ZMPSTE24: variants seen among roughly 807,000 people sequenced by gnomAD.
ZMPSTE24 encodes zinc metallopeptidase STE24.
ZMPSTE24 carries 48 observed loss-of-function variants against 56.7 expected under a neutral mutation model. The observed-to-expected ratio is 0.85, with a 90% confidence interval of 0.67 to 1.08. The LOEUF (loss-of-function observed/expected upper bound fraction) is 1.08. Among genes scored for constraint, ZMPSTE24 ranks in the 50% least tolerant of loss-of-function variants. The pLI, the probability that ZMPSTE24 is intolerant of heterozygous loss-of-function variation, is 0.00. For synonymous variants in ZMPSTE24, 172 were observed against 195.2 expected, an observed-to-expected ratio of 0.88 and a Z score of 0.99; for missense variants, 503 against 548.7, an observed-to-expected ratio of 0.92 and a Z score of 0.83.
At position 40,261,072 on chromosome 1, in the gene ZMPSTE24, C is replaced by A. The variant is rs773022256; in HGVS notation, c.270+87C>A. On this transcript the variant is annotated intron_variant, in intron 2 of 9. Transcript: ENST00000372759. ...AACACAAAAGAGGGTACCACACTTA[C>A]AAGTCCCAGAATGCTTTCTTAACCT... The A allele has an allele frequency of 5.0e-5, 76 of 1,508,146 alleles. No homozygotes were observed. In the Middle Eastern group the frequency reaches 8.5e-4, roughly 17 times the overall value. 93.4% of individuals were successfully genotyped at this position (1,508,146 alleles called of 1,614,324 possible). A position where few individuals can be genotyped will look rare whatever the true frequency, so the allele number is the denominator to read the frequency against.
chr1:40,274,841 T>G (rs922382916), intron 6 of ZMPSTE24, among the ~76,000 whole-genome samples: 5 of 152,166 alleles, frequency 3.3e-5, no homozygotes, highest in Non-Finnish European at 7.3e-5. Context: ...GTGGATACAT[T>G]TGGGACAAGT....
rs541622976 is a variant in ZMPSTE24 at position 40,270,943 on chromosome 1, A to G, written c.627+816A>G. On this transcript the variant is annotated intron_variant, in intron 5 of 9. Coordinates refer to ENST00000372759, the MANE Select transcript of ZMPSTE24 (RefSeq NM_005857.5). The stretch of plus-strand genomic sequence containing the variant: ...AGACCAGCCTGGGTAACACAGTGAG[A>G]CTCTGTCTCTACAAATAATAATTTT... 3.9e-5 allele frequency among the ~76,000 whole-genome samples: 6 copies of G among 152,194 alleles called. No individual in the cohort carries two copies. The South Asian group carries it at 8.3e-4, about 21-fold the overall frequency.
intron 4 of ZMPSTE24, 47 bp downstream of exon 4, chr1:40,268,582 T>A (rs1037393743): frequency 1.6e-6 from 2 of 1,266,136 alleles, no homozygotes; most frequent in Non-Finnish European, 2.3e-6. Context: ...GAAAAACTTC[T>A]GTGCTTTTGT....
intron 2 of ZMPSTE24, chr1:40,262,909 T>A: frequency 9.3e-7 from 1 of 1,073,860 alleles, no homozygotes; most frequent in Non-Finnish European, 1.1e-6. Flanking sequence ...CTATACTGAT[T>A]AATAGCTCCC....
intron 2 of ZMPSTE24, among the ~76,000 whole-genome samples, chr1:40,266,229 C>T (rs1438752174): frequency 6.6e-6 from 1 of 151,976 alleles, no homozygotes; most frequent in East Asian, 1.9e-4. Flanking sequence ...TATGATAGTA[C>T]CAAAACCCCT....
Position 40,292,479 on chromosome 1 carries a change from G to T in ZMPSTE24, c.1238G>T (p.Arg413Ile). 1 of 1,614,138 alleles carries T rather than the reference G, an allele frequency of 6.2e-7. No individual in the cohort carries two copies. The highest frequency in any genetic ancestry group is 8.5e-7 in the Non-Finnish European group (1 of 1,180,024). The change falls in exon 10 of 10, where the codon AGA becomes ATA. Residue 413 changes from arginine to isoleucine, a missense_variant. Physicochemically the swap from Arg to Ile is moderately conservative, Grantham distance 97 (BLOSUM62 -3). Transcript: ENST00000372759. ...TTTTGCCTAACAGTCCTAAGCCGCA[G>T]ATTTGAGTTTCAAGCTGATGCATTT... ...LSFCLTVLSR[R>I]FEFQADAFAK...
At position 40,258,329 on chromosome 1, in the gene ZMPSTE24, T is replaced by A. The variant is rs1643459269; in HGVS notation, c.58T>A (p.Phe20Ile). Reference protein sequence around the residue: ...LWEMPAEKRIFGAVLLFSWTV... With the variant: ...LWEMPAEKRIIGAVLLFSWTV... ...GGAGATGCCGGCCGAGAAGCGTATC[T>A]TCGGGGCCGTGCTGCTCTTTTCCTG... The change falls in exon 1 of 10, where the codon TTC (phenylalanine) becomes ATC (isoleucine). Residue 20 changes from phenylalanine to isoleucine, a missense_variant. By Grantham distance (21) the Phe-to-Ile change is conservative. Transcript: ENST00000372759. The A allele has an allele frequency of 1.2e-6, 2 of 1,614,202 alleles. No homozygotes were observed. Among genetic ancestry groups the A allele is most frequent in the Non-Finnish European group, 1.7e-6 (2 of 1,180,032 alleles).
At position 40,281,477 on chromosome 1, in the gene ZMPSTE24, C is replaced by G. The variant is rs1341404683; in HGVS notation, c.904C>G (p.Pro302Ala). 6.2e-7 allele frequency: 1 copy of G among 1,613,994 alleles called. No homozygotes were observed. The highest frequency in any genetic ancestry group is 8.5e-7 in the Non-Finnish European group (1 of 1,180,008). ...KDIQEDSGME[P>A]RNEEEGNSEE... ...CATCCAGGAGGATTCTGGCATGGAA[C>G]CCCGCAATGAGGAAGAAGGGAACAG... The change falls in exon 7 of 10, where the codon CCC becomes GCC. Residue 302 changes from proline (P) to alanine (A), a missense_variant. Transcript: ENST00000372759.
chr1:40,282,053 T>C (rs898690695), intron 7 of ZMPSTE24, among the ~76,000 whole-genome samples: 10 of 152,176 alleles, frequency 6.6e-5, no homozygotes, highest in African/African-American at 1.9e-4. Context: ...ATTTATGAAA[T>C]GTATACTCTG....
At chr1:40,284,143 G>A (rs61662682) in intron 7 of ZMPSTE24, among the ~76,000 whole-genome samples, 3 of 145,444 alleles carry the variant, frequency 2.1e-5, no homozygotes, top group African/African-American at 7.6e-5. Flanking sequence ...TAGTAGAGAC[G>A]GGGTTTCACC....
chr1:40,292,948 C>A lies in ZMPSTE24; in HGVS notation c.*279C>A, dbSNP rs141770768. The A allele has an allele frequency of 6.2e-4, 217 of 352,288 alleles. 2 individuals carry two copies. Among genetic ancestry groups the A allele is most frequent in the African/African-American group, 4.3e-3 (203 of 47,058 alleles). 21.8% of individuals were successfully genotyped at this position (352,288 alleles called of 1,614,324 possible). A position where few individuals can be genotyped will look rare whatever the true frequency, so the allele number is the denominator to read the frequency against. ...AAATTATTTGGAAAAATACAGAACTCGTTTTATTTGTATACTTATATGGAA... is the reference window on the plus strand; with the variant it reads ...AAATTATTTGGAAAAATACAGAACTAGTTTTATTTGTATACTTATATGGAA... On this transcript the variant is annotated 3_prime_UTR_variant, in exon 10 of 10. Coordinates refer to ENST00000372759, the MANE Select transcript of ZMPSTE24 (RefSeq NM_005857.5).
chr1:40,283,478 C>T (rs1331862447), intron 7 of ZMPSTE24, among the ~76,000 whole-genome samples: 1 of 151,692 alleles, frequency 6.6e-6, no homozygotes, highest in Non-Finnish European at 1.5e-5. Context: ...GCACTCCAGC[C>T]TGGGTGACAA....
intron 6 of ZMPSTE24, among the ~76,000 whole-genome samples, chr1:40,277,785 A>G (rs912109410): frequency 2.6e-4 from 39 of 152,056 alleles, no homozygotes; most frequent in African/African-American, 8.7e-4. Context: ...CCTGGCCAAC[A>G]TGATGAAACC....
rs947314248 is a variant in ZMPSTE24, at chr1:40,293,284, A to T, written c.*615A>T. The T allele has an allele frequency of 5.9e-5, 9 of 152,248 alleles. No homozygotes were observed. Among genetic ancestry groups the T allele is most frequent in the Non-Finnish European group, 1.5e-5 (1 of 68,064 alleles). The allele number at this position is 152,248 out of a possible 1,614,324, so 9.4% of individuals were successfully genotyped here. A position where few individuals can be genotyped will look rare whatever the true frequency, so the allele number is the denominator to read the frequency against. ...TCAAGAGTTTCTCATAGTGCTTTGAAGTTAGAAATTATGTATAGGATATTT... is the reference window on the plus strand; with the variant it reads ...TCAAGAGTTTCTCATAGTGCTTTGATGTTAGAAATTATGTATAGGATATTT... On this transcript the variant is annotated 3_prime_UTR_variant, in exon 10 of 10. Coordinates refer to ENST00000372759, the MANE Select transcript of ZMPSTE24 (RefSeq NM_005857.5).
At chr1:40,273,538 ATATATATATATATAT>A (rs1445899263) in intron 6 of ZMPSTE24, among the ~76,000 whole-genome samples, 5 of 17,362 alleles carry the variant, frequency 2.9e-4, no homozygotes, top group East Asian at 1.7e-3. Flanking sequence ...AAAAAAAAAA[ATATATATATATATAT>A]ATATATATAT....
chr1:40,285,812 G>A (rs1031485133), intron 7 of ZMPSTE24, 113 bp from the exon 8 acceptor site: 8 of 872,844 alleles, frequency 9.2e-6, no homozygotes, highest in African/African-American at 1.7e-5. Context: ...CAACAGTTTT[G>A]AACAAAACTG....
chr1:40,290,797 A>T (rs2124001854), intron 8 of ZMPSTE24, 57 bp from the exon 9 acceptor site: 1 of 1,593,044 alleles, frequency 6.3e-7, no homozygotes, highest in African/African-American at 1.3e-5. Flanking sequence ...GATGCTACTG[A>T]TCCCATAGTG....
rs397979953 is a variant in ZMPSTE24 at position 40,278,557 on chromosome 1, CAAAAAAAAAAAAAA to C, written c.770-2770_770-2757del. ...TGGGCGACAGAGTGAGACTCCGTCTCAAAAAAAAAAAAAAAAAAAAAAAAAAAAAGAATATCTCG... is the reference window on the plus strand; with the variant it reads ...TGGGCGACAGAGTGAGACTCCGTCTCAAAAAAAAAAAAAAAGAATATCTCG... On this transcript the variant is annotated intron_variant, in intron 6 of 9. Coordinates refer to ENST00000372759, the MANE Select transcript of ZMPSTE24 (RefSeq NM_005857.5). Among the ~76,000 whole-genome samples, 26 of 19,560 alleles carry C rather than the reference CAAAAAAAAAAAAAA, an allele frequency of 1.3e-3. 1 individual carries two copies. Among genetic ancestry groups the C allele is most frequent in the East Asian group, 5.5e-3 (5 of 910 alleles). The allele number at this position is 19,560 out of a possible 152,430, so 12.8% of individuals were successfully genotyped here.
At chr1:40,275,627 C>A (rs1643662334) in intron 6 of ZMPSTE24, among the ~76,000 whole-genome samples, 1 of 151,762 alleles carries the variant, frequency 6.6e-6, no homozygotes, top group South Asian at 2.1e-4. Context: ...TGGTGCACAC[C>A]TGTAGTTCCA....
Sources: allele counts gnomAD v4.1 joint callset (sites outside exome capture counted in the v4.1 genomes callset), GRCh38; gene constraint gnomAD v4.1.1; transcripts MANE v1.5; gene names NCBI Gene and HGNC (gene_info 2026-07-23, HGNC 2026-07-21).